The following DIP2A variants were observed in gnomAD, a reference collection of about 807,000 sequenced individuals.
The protein encoded by DIP2A is DIP2 acetate--CoA ligase A.
DIP2A carries 85 observed loss-of-function variants against 177.4 expected under a neutral mutation model. That is an observed-to-expected ratio of 0.48 (90% CI 0.40 to 0.57). The LOEUF is 0.57. DIP2A is among the 20% of genes least tolerant of loss of function. The pLI is 0.00. For missense variants in DIP2A, 1,791 were observed against 2,100.2 expected (o/e 0.85, Z 2.88); for synonymous variants, 886 against 881.8 (o/e 1.00, Z -0.08).
At chr21:46,503,752 G>A (rs192873561) in intron 5 of DIP2A, among the ~76,000 whole-genome samples, 148 of 147,840 alleles carry the variant, frequency 1.0e-3, no homozygotes, top group Non-Finnish European at 7.4e-4. Flanking sequence ...TTGAGAGAGA[G>A]TGTCGCTCTG....
At chr21:46,514,810 T>G (rs900812206) in intron 8 of DIP2A, among the ~76,000 whole-genome samples, 2 of 152,068 alleles carry the variant, frequency 1.3e-5, no homozygotes, top group African/African-American at 4.8e-5. Flanking sequence ...ACTGTCAGAT[T>G]AAGAACGTTC....
intron 1 of DIP2A, among the ~76,000 whole-genome samples, chr21:46,476,844 A>T (rs1259222079): frequency 6.6e-6 from 1 of 151,826 alleles, no homozygotes; most frequent in Non-Finnish European, 1.5e-5. Context: ...TTTATTAGAG[A>T]TGGGGTTTCA....
At chr21:46,576,066 C>A in the DIP2A span, among the ~76,000 whole-genome samples, 1 of 152,162 alleles carries the variant, frequency 6.6e-6, no homozygotes, top group African/African-American at 2.4e-5. Flanking sequence ...TGTTGGCTGA[C>A]ATCACCATAA....
At chr21:46,478,419 T>C (rs573802883) in intron 1 of DIP2A, among the ~76,000 whole-genome samples, 32 of 151,818 alleles carry the variant, frequency 2.1e-4, no homozygotes, top group African/African-American at 7.7e-4. Flanking sequence ...TCCATGTTGG[T>C]CAGGCTGGTC....
At chr21:46,550,411 C>T (rs770254406) in intron 22 of DIP2A, 132 bp from the exon 23 acceptor site, 2 of 813,764 alleles carry the variant, frequency 2.5e-6, no homozygotes, top group Non-Finnish European at 3.9e-6. Flanking sequence ...CCTCATTTAA[C>T]AAAGTGTCCA....
chr21:46,504,595 G>T (rs994286872), intron 6 of DIP2A, 106 bp downstream of exon 6: 3 of 1,371,024 alleles, frequency 2.2e-6, no homozygotes. Flanking sequence ...CAAGCCAAAC[G>T]TCAGTTTTAA....
In DIP2A at chr21:46,476,986, C is replaced by T. The variant is rs907730741; in HGVS notation, c.92-7771C>T. 9.9e-5 allele frequency among the ~76,000 whole-genome samples: 15 copies of T among 152,184 alleles called. No individual in the cohort carries two copies. In the South Asian group the frequency reaches 1.0e-3, roughly 11 times the overall value. On this transcript the variant is annotated intron_variant, in intron 1 of 37. Transcript: ENST00000417564. ...GCATCGCTCTTAATCTGGAAGTTGA[C>T]GTACCCCTGCTAGGCCGTGGATATG...
chr21:46,567,530 A>G lies in DIP2A; in HGVS notation c.4624A>G (p.Ile1542Val), dbSNP rs1399143168. 6.2e-6 allele frequency: 10 copies of G among 1,613,648 alleles called. No individual in the cohort carries two copies. The highest frequency in any genetic ancestry group is 1.6e-4 in the Middle Eastern group (1 of 6,084). Residue 1542 changes from isoleucine to valine, a missense_variant, in exon 38 of 38, where the codon ATC (isoleucine) becomes GTC (valine). Coordinates refer to ENST00000417564, the MANE Select transcript of DIP2A (RefSeq NM_015151.4). ...VVIVDPGVIP[I>V]NSRGEKQRMH... is the part of the protein sequence containing the mutation. The stretch of plus-strand genomic sequence containing the variant: ...CATCGTGGACCCAGGGGTGATCCCT[A>G]TCAACTCTCGGGGTGAGAAGCAGCG...
At chr21:46,464,844 T>TTTTTTTTTTTC (rs58546395) in intron 1 of DIP2A, among the ~76,000 whole-genome samples, 13 of 111,228 alleles carry the variant, frequency 1.2e-4, no homozygotes, top group African/African-American at 5.0e-4. Flanking sequence ...TTTTTTTTTT[T>TTTTTTTTTTTC]CAAGAAAACA....
At chr21:46,536,262 T>G (rs2059565022) in intron 13 of DIP2A, among the ~76,000 whole-genome samples, 1 of 152,222 alleles carries the variant, frequency 6.6e-6, no homozygotes, top group Non-Finnish European at 1.5e-5. Context: ...AGCCCCAGGC[T>G]CTGTCCTTTC....
At chr21:46,570,090 A>C (rs1291460427), downstream of DIP2A, among the ~76,000 whole-genome samples, 2 of 152,156 alleles carry the variant, frequency 1.3e-5, no homozygotes, top group East Asian at 3.8e-4. Flanking sequence ...TATTTGCTGT[A>C]TTGCCGTACA....
chr21:46,534,136 A>G (rs1601715206), intron 12 of DIP2A, 23 bp downstream of exon 12: 4 of 1,571,200 alleles, frequency 2.5e-6, no homozygotes, highest in Non-Finnish European at 3.5e-6. Flanking sequence ...CCTAACTTAG[A>G]GAATGTAAAA....
chr21:46,529,001 G>A (rs948406273), intron 8 of DIP2A, 91 bp from the exon 9 acceptor site: 1 of 698,336 alleles, frequency 1.4e-6, no homozygotes, highest in African/African-American at 1.9e-5. Context: ...TGGGGTAATG[G>A]TATATTTCGG....
intron 23 of DIP2A, 109 bp downstream of exon 23, chr21:46,550,853 T>G (rs1279554206): frequency 4.3e-6 from 5 of 1,164,090 alleles, no homozygotes; most frequent in Middle Eastern, 2.0e-4. Flanking sequence ...GCCCACGTCT[T>G]TGGGGCTGGG....
chr21:46,581,205 T>G, the DIP2A span, among the ~76,000 whole-genome samples: 1 of 152,246 alleles, frequency 6.6e-6, no homozygotes, highest in African/African-American at 2.4e-5. Flanking sequence ...GTCTTCAAGC[T>G]CTGAGATTCT....
At chr21:46,513,138 G>A (rs1413571953) in intron 8 of DIP2A, among the ~76,000 whole-genome samples, 1 of 149,786 alleles carries the variant, frequency 6.7e-6, no homozygotes, top group Admixed American at 6.6e-5. Flanking sequence ...CTAAGTTTTT[G>A]TCTAATTTAG....
chr21:46,502,774 G>A (rs1323818472), intron 5 of DIP2A, among the ~76,000 whole-genome samples: 1 of 152,020 alleles, frequency 6.6e-6, no homozygotes, highest in Non-Finnish European at 1.5e-5. Context: ...AAATGGGCGA[G>A]CATCTGTGTA....
rs368091015 is a variant in DIP2A at position 46,532,132 on chromosome 21, G to T, written c.1200G>T (p.Ala400=). 6.2e-7 allele frequency: 1 copy of T among 1,613,232 alleles called. No individual in the cohort carries two copies. Among genetic ancestry groups the T allele is most frequent in the Non-Finnish European group, 8.5e-7 (1 of 1,179,482 alleles). Residue 400 remains alanine (A), a synonymous_variant, in exon 10 of 38, where the codon GCG becomes GCT. Coordinates refer to ENST00000417564, the MANE Select transcript of DIP2A (RefSeq NM_015151.4). ...EPLLKPGDRV[A]LVFPNSDPVM... Reference sequence around the variant, plus strand: ...ATTTCTTTGTCCTGTTGTAGGTGGCGCTCGTGTTTCCGAATAGTGACCCTG... The same window carrying T: ...ATTTCTTTGTCCTGTTGTAGGTGGCTCTCGTGTTTCCGAATAGTGACCCTG...
rs188868579 is a variant in DIP2A, at chr21:46,504,719, G to C, written c.784+230G>C. Among the ~76,000 whole-genome samples, 261 of 152,318 alleles carry C rather than the reference G, an allele frequency of 1.7e-3. 2 individuals are homozygous for C. The highest frequency in any genetic ancestry group is 6.0e-3 in the African/African-American group (248 of 41,586). ...GTCAGAGGGGAAACGAGGAGAGTGG[G>C]GAGGGAAAAGACTTCCAAATTTAGA... On this transcript the variant is annotated intron_variant, in intron 6 of 37. Transcript: ENST00000417564.
Sources: allele counts gnomAD v4.1 joint callset (sites outside exome capture counted in the v4.1 genomes callset), GRCh38; gene constraint gnomAD v4.1.1; transcripts MANE v1.5; gene names NCBI Gene and HGNC (gene_info 2026-07-23, HGNC 2026-07-21).